The following PPP2R5E variants were observed in gnomAD, a reference collection of about 807,000 sequenced individuals.
PPP2R5E encodes the protein protein phosphatase 2 regulatory subunit B'epsilon.
In PPP2R5E, 4 loss-of-function variants were observed where a neutral mutation model predicts 65.3. The observed-to-expected ratio is 0.06, with a 90% CI of 0.03 to 0.14. The LOEUF is 0.14. Ranked by LOEUF, PPP2R5E falls within the 10% of genes least tolerant of loss-of-function variation. PPP2R5E has a pLI of 1.00. For missense variants in PPP2R5E, 274 were observed against 556.1 expected (o/e 0.49, Z 5.10); for synonymous variants, 183 against 187.4 (o/e 0.98, Z 0.19).
At position 63,407,595 on chromosome 14, in the gene PPP2R5E, A is replaced by G. The variant is rs1448215485; in HGVS notation, c.549+7545T>C. Reference sequence around the variant, plus strand: ...AGAGATATCTAAAAAATAGGAAGTGAAGATCATCACACATAATCACCCCCT... The same window carrying G: ...AGAGATATCTAAAAAATAGGAAGTGGAGATCATCACACATAATCACCCCCT... On this transcript the variant is annotated intron_variant, in intron 5 of 13. Transcript: ENST00000337537. 2.6e-5 allele frequency among the ~76,000 whole-genome samples: 4 copies of G among 152,330 alleles called. No homozygotes were observed. In the East Asian group the frequency reaches 7.7e-4, roughly 29 times the overall value.
intron 4 of PPP2R5E, among the ~76,000 whole-genome samples, chr14:63,418,879 C>G (rs2139874178): frequency 7.5e-6 from 1 of 133,998 alleles, no homozygotes; most frequent in African/African-American, 2.9e-5. Context: ...GATGGTCTCG[C>G]TCTGTTGCCC....
rs765315311 is a variant in PPP2R5E at position 63,377,332 on chromosome 14, TGGG to T, written c.1305-1227_1305-1225del. ...CAATTTCTACGCAGGGAAATCCACATGGGTTGAGTGAAATTTGTATGTAATTCC... is the reference window on the plus strand; with the variant it reads ...CAATTTCTACGCAGGGAAATCCACATTTGAGTGAAATTTGTATGTAATTCC... On this transcript the variant is annotated intron_variant, in intron 13 of 13. Transcript: ENST00000337537. 1.1e-3 allele frequency among the ~76,000 whole-genome samples: 162 copies of T among 152,274 alleles called. 1 individual carries two copies. Among genetic ancestry groups the T allele is most frequent in the Non-Finnish European group, 1.2e-3 (82 of 67,996 alleles).
At chr14:63,433,879 C>T (rs1293712229) in intron 3 of PPP2R5E, among the ~76,000 whole-genome samples, 1 of 152,196 alleles carries the variant, frequency 6.6e-6, no homozygotes, top group Admixed American at 6.5e-5. Flanking sequence ...CCTGTCTTGA[C>T]TTTCCTTGCT....
At chr14:63,528,967 ATAAT>A (rs1389522562) in intron 2 of PPP2R5E, among the ~76,000 whole-genome samples, 5 of 152,198 alleles carry the variant, frequency 3.3e-5, no homozygotes, top group Admixed American at 6.5e-5. Context: ...CAAAGATAAA[ATAAT>A]TAAAGATTAT....
At chr14:63,480,695 C>T (rs1333457198) in intron 2 of PPP2R5E, among the ~76,000 whole-genome samples, 3 of 152,192 alleles carry the variant, frequency 2.0e-5, no homozygotes, top group African/African-American at 7.2e-5. Flanking sequence ...ATCCTCCTTT[C>T]TCAGCCTCTC....
At chr14:63,410,973 G>T (rs578230318) in intron 5 of PPP2R5E, among the ~76,000 whole-genome samples, 11 of 152,268 alleles carry the variant, frequency 7.2e-5, no homozygotes, top group African/African-American at 2.2e-4. Flanking sequence ...AAAACATAAA[G>T]TATATAAATG....
chr14:63,445,654 C>A (rs909940708), intron 3 of PPP2R5E, among the ~76,000 whole-genome samples: 1 of 152,028 alleles, frequency 6.6e-6, no homozygotes, highest in African/African-American at 2.4e-5. Flanking sequence ...ACCAGCCTGG[C>A]CAACATGGTG....
At chr14:63,523,655 C>G (rs1470586198) in intron 2 of PPP2R5E, among the ~76,000 whole-genome samples, 1 of 151,368 alleles carries the variant, frequency 6.6e-6, no homozygotes, top group Non-Finnish European at 1.5e-5. Context: ...CACTATTGTC[C>G]CGTGACCCTG....
chr14:63,480,534 C>T (rs1890645295), intron 2 of PPP2R5E, among the ~76,000 whole-genome samples: 1 of 152,196 alleles, frequency 6.6e-6, no homozygotes, highest in African/African-American at 2.4e-5. Flanking sequence ...CAGCCTCCAA[C>T]TCCTGGGCTC....
In PPP2R5E at chr14:63,375,818, C is replaced by A; in HGVS notation, c.*191G>T. ...AAGTTCTGAGAAGTCCATCTACTGT[C>A]CAAACTTTGGATTGAAGTCCTTATT... On this transcript the variant is annotated 3_prime_UTR_variant, in exon 14 of 14. Transcript: ENST00000337537. 2.5e-6 allele frequency: 1 copy of A among 403,898 alleles called. No individual in the cohort carries two copies. Among genetic ancestry groups the A allele is most frequent in the East Asian group, 3.9e-5 (1 of 25,970 alleles). The allele number at this position is 403,898 out of a possible 1,614,324, so 25.0% of individuals were successfully genotyped here.
chr14:63,425,833 T>C (rs574766355), intron 3 of PPP2R5E, among the ~76,000 whole-genome samples: 1 of 152,366 alleles, frequency 6.6e-6, no homozygotes, highest in South Asian at 2.1e-4. Flanking sequence ...TCTAAGGATG[T>C]TTATCCCTAT....
Position 63,491,974 on chromosome 14 carries a change from G to GT in PPP2R5E, c.158-38090dup, listed in dbSNP as rs1891305607. On this transcript the variant is annotated intron_variant, in intron 2 of 13. Transcript: ENST00000337537. Reference sequence around the variant, plus strand: ...CATATTTTTATTGGGGAGCACTAAAGTAAGACAATAAAGGAAACAAAGGGG... The same window carrying GT: ...CATATTTTTATTGGGGAGCACTAAAGTTAAGACAATAAAGGAAACAAAGGGG... Among the ~76,000 whole-genome samples, 4 of 152,174 alleles carry GT rather than the reference G, an allele frequency of 2.6e-5. No homozygotes were observed. The South Asian group carries it at 8.3e-4, about 32-fold the overall frequency.
intron 5 of PPP2R5E, among the ~76,000 whole-genome samples, chr14:63,398,565 G>A (rs1026993029): frequency 2.0e-5 from 3 of 152,188 alleles, no homozygotes; most frequent in African/African-American, 4.8e-5. Flanking sequence ...GGCCGAGGGG[G>A]TAGATCACGA....
At chr14:63,463,240 A>T (rs1435214981) in intron 2 of PPP2R5E, among the ~76,000 whole-genome samples, 2 of 150,774 alleles carry the variant, frequency 1.3e-5, no homozygotes, top group Non-Finnish European at 3.0e-5. Flanking sequence ...ACTGGGTTCA[A>T]GTGATTCTCC....
intron 2 of PPP2R5E, among the ~76,000 whole-genome samples, chr14:63,467,244 A>C (rs1323792423): frequency 7.1e-6 from 1 of 140,820 alleles, no homozygotes; most frequent in Non-Finnish European, 1.5e-5. Context: ...ACAAACAAAC[A>C]AAAAAAACAC....
intron 3 of PPP2R5E, among the ~76,000 whole-genome samples, chr14:63,438,442 T>C (rs1888046161): frequency 6.6e-6 from 1 of 152,236 alleles, no homozygotes; most frequent in Non-Finnish European, 1.5e-5. Flanking sequence ...GCATTGCTTA[T>C]ACCTTTAAAC....
intron 2 of PPP2R5E, among the ~76,000 whole-genome samples, chr14:63,472,592 G>A (rs894819929): frequency 4.6e-5 from 7 of 152,352 alleles, no homozygotes. Flanking sequence ...CAATTAGAAA[G>A]CCAGTTAGGT....
At chr14:63,468,758 A>C (rs924362317) in intron 2 of PPP2R5E, among the ~76,000 whole-genome samples, 2 of 152,230 alleles carry the variant, frequency 1.3e-5, no homozygotes, top group Admixed American at 1.3e-4. Context: ...TATCATACTC[A>C]CAAATATTAA....
chr14:63,422,156 C>T (rs1349767411), intron 3 of PPP2R5E, 62 bp from the exon 4 acceptor site: 2 of 1,369,050 alleles, frequency 1.5e-6, no homozygotes, highest in African/African-American at 2.9e-5. Flanking sequence ...TACACAAGGT[C>T]CTTGGAGCCA....
Sources: gnomAD v4.1 joint callset for allele counts (sites outside exome capture counted in the v4.1 genomes callset) on GRCh38, gnomAD v4.1.1 for gene constraint, MANE v1.5 for transcripts, NCBI Gene and HGNC (gene_info 2026-07-23, HGNC 2026-07-21) for gene names.